GLT1D1: variants seen among roughly 807,000 people sequenced by gnomAD.
GLT1D1 encodes glycosyltransferase 1 domain containing 1.
In GLT1D1, 21 loss-of-function variants were observed where a neutral mutation model predicts 28.7. The ratio of observed to expected loss-of-function variants is 0.73; its 90% CI spans 0.52 to 1.05. GLT1D1 has a LOEUF of 1.05. Ranked by LOEUF, GLT1D1 falls within the 50% of genes least tolerant of loss-of-function variation. The pLI is 0.00. For synonymous variants in GLT1D1, 147 were observed against 124.8 expected, an observed-to-expected ratio of 1.18 and a Z score of -1.19; for missense variants, 343 against 330.6, an observed-to-expected ratio of 1.04 and a Z score of -0.29.
chr12:128,931,917 G>GCACGCACGCACACACACA (rs1368012620), intron 4 of GLT1D1, among the ~76,000 whole-genome samples: 28 of 141,100 alleles, frequency 2.0e-4, no homozygotes, highest in African/African-American at 7.0e-4. Flanking sequence ...ACACACGCAC[G>GCACGCACGCACACACACA]CACACACACA....
At chr12:128,925,425 A>G (rs1278915616) in intron 4 of GLT1D1, among the ~76,000 whole-genome samples, 1 of 152,216 alleles carries the variant, frequency 6.6e-6, no homozygotes, top group African/African-American at 2.4e-5. Flanking sequence ...GATAAGTGAG[A>G]ACATTCGGTT....
At chr12:128,941,543 T>G (rs1007827511) in intron 4 of GLT1D1, among the ~76,000 whole-genome samples, 14 of 151,570 alleles carry the variant, frequency 9.2e-5, no homozygotes, top group African/African-American at 3.4e-4. Context: ...TGGAACATTC[T>G]GTCTCTTCTT....
At chr12:128,908,479 CTTT>C (rs1442427860) in intron 4 of GLT1D1, among the ~76,000 whole-genome samples, 1 of 141,248 alleles carries the variant, frequency 7.1e-6, no homozygotes, top group Non-Finnish European at 1.5e-5. Context: ...TTCCTTCTTT[CTTT>C]TTTTCTTTCC....
intron 2 of GLT1D1, among the ~76,000 whole-genome samples, chr12:128,881,755 C>G (rs1021283333): frequency 6.7e-6 from 1 of 150,078 alleles, no homozygotes; most frequent in East Asian, 1.9e-4. Flanking sequence ...GTATCTGACT[C>G]TTGCTCTGTA....
In GLT1D1 at chr12:128,865,972, G is replaced by A. The variant is rs188629152; in HGVS notation, c.69-9942G>A. Among the ~76,000 whole-genome samples the A allele has an allele frequency of 7.6e-3, 1,150 of 152,258 alleles. 4 individuals are homozygous for A. Among genetic ancestry groups the A allele is most frequent in the Non-Finnish European group, 0.012 (833 of 68,028 alleles). ...GATGATTTAAAGTATACAGGAGGAT[G>A]TGTGAAGGTGATATGCAAATGCTGT... On this transcript the variant is annotated intron_variant, in intron 1 of 7. Coordinates refer to ENST00000281703, the MANE Select transcript of GLT1D1 (RefSeq NM_144669.3).
chr12:128,855,150 C>A (rs571194132), intron 1 of GLT1D1, among the ~76,000 whole-genome samples: 1 of 140,230 alleles, frequency 7.1e-6, no homozygotes, highest in Non-Finnish European at 1.5e-5. Flanking sequence ...TGGGAGGCAG[C>A]TGTTGCAGTG....
intron 4 of GLT1D1, among the ~76,000 whole-genome samples, chr12:128,941,820 C>T (rs963708688): frequency 6.6e-6 from 1 of 151,148 alleles, no homozygotes; most frequent in Non-Finnish European, 1.5e-5. Flanking sequence ...ATCACATGAT[C>T]CCCCCTCCTC....
In GLT1D1 at chr12:128,946,837, C is replaced by T. The variant is rs140996276; in HGVS notation, c.420-501C>T. On this transcript the variant is annotated intron_variant, in intron 5 of 7. Coordinates refer to ENST00000281703, the MANE Select transcript of GLT1D1 (RefSeq NM_144669.3). ...CTAATATTTGTATTTTTAGTAGAGA[C>T]GGGGTTTCGCCATGTTCGCCAGGCT... Among the ~76,000 whole-genome samples, 803 of 150,892 alleles carry T rather than the reference C, an allele frequency of 5.3e-3. 8 individuals carry two copies. The highest frequency in any genetic ancestry group is 0.018 in the African/African-American group (753 of 41,050).
intron 7 of GLT1D1, among the ~76,000 whole-genome samples, chr12:128,980,519 C>T (rs1275861930): frequency 6.6e-6 from 1 of 152,166 alleles, no homozygotes; most frequent in Non-Finnish European, 1.5e-5. Flanking sequence ...CGGGGTGGTG[C>T]TTCTGCTGAT....
intron 4 of GLT1D1, among the ~76,000 whole-genome samples, chr12:128,934,275 C>T (rs980833167): frequency 6.9e-6 from 1 of 145,626 alleles, no homozygotes; most frequent in Non-Finnish European, 1.5e-5. Context: ...ACGATCTCGG[C>T]TCACTGCAAC....
chr12:128,912,299 G>C, intron 4 of GLT1D1, 125 bp from the exon 5 acceptor site: 1 of 560,166 alleles, frequency 1.8e-6, no homozygotes, highest in Non-Finnish European at 3.1e-6. Flanking sequence ...CAGCTGTGTA[G>C]ATGATTCTCA....
chr12:128,945,182 G>A (rs547191651), intron 4 of GLT1D1, 144 bp from the exon 9 acceptor site: 35 of 823,510 alleles, frequency 4.3e-5, no homozygotes, highest in African/African-American at 6.7e-5. Flanking sequence ...ATCACCACAC[G>A]CAGCAGCCGC....
chr12:128,945,619 T>C (rs1241476119), intron 5 of GLT1D1, among the ~76,000 whole-genome samples: 1 of 152,222 alleles, frequency 6.6e-6, no homozygotes, highest in East Asian at 1.9e-4. Context: ...ATTTAAACTC[T>C]CAAGGATTTG....
At chr12:128,903,284 C>T (rs779174316) in intron 4 of GLT1D1, among the ~76,000 whole-genome samples, 2 of 151,698 alleles carry the variant, frequency 1.3e-5, no homozygotes, top group Non-Finnish European at 2.9e-5. Flanking sequence ...ACCCCTGAGG[C>T]CTGTCTCCAT....
At chr12:128,856,923 C>T (rs906453761) in intron 1 of GLT1D1, among the ~76,000 whole-genome samples, 5 of 152,062 alleles carry the variant, frequency 3.3e-5, no homozygotes, top group African/African-American at 1.2e-4. Flanking sequence ...CAAGATGGCG[C>T]CACTGCACAA....
chr12:128,973,121 A>G (rs902219718), intron 7 of GLT1D1, among the ~76,000 whole-genome samples: 2 of 149,962 alleles, frequency 1.3e-5, no homozygotes, highest in African/African-American at 4.9e-5. Context: ...CTTTTTAAGA[A>G]TCCACATATA....
intron 1 of GLT1D1, among the ~76,000 whole-genome samples, chr12:128,873,180 G>C (rs1160824984): frequency 2.0e-5 from 3 of 152,162 alleles, no homozygotes; most frequent in Non-Finnish European, 2.9e-5. Context: ...ACAGGTGGGA[G>C]CCACTGCACC....
chr12:128,914,410 G>C (rs553113657), intron 4 of GLT1D1, among the ~76,000 whole-genome samples: 1 of 152,284 alleles, frequency 6.6e-6, no homozygotes, highest in Non-Finnish European at 1.5e-5. Context: ...CTTTTCTCAT[G>C]TGGAATCCAT....
chr12:128,881,302 A>G (rs1957035246), intron 2 of GLT1D1, among the ~76,000 whole-genome samples: 1 of 149,722 alleles, frequency 6.7e-6, no homozygotes, highest in Admixed American at 6.7e-5. Context: ...AGGCTGAGGC[A>G]GGCAGATCAC....
Sources: allele counts gnomAD v4.1 joint callset (sites outside exome capture counted in the v4.1 genomes callset), GRCh38; gene constraint gnomAD v4.1.1; transcripts MANE v1.5; gene names NCBI Gene and HGNC (gene_info 2026-07-23, HGNC 2026-07-21).